The following TMEM132C variants were observed in gnomAD, a reference collection of about 807,000 sequenced individuals.
The protein encoded by TMEM132C is transmembrane protein 132C.
TMEM132C carries 29 observed loss-of-function variants against 61.4 expected under a neutral mutation model. The observed-to-expected ratio is 0.47, with a 90% CI of 0.35 to 0.64. TMEM132C has a LOEUF of 0.64. Ranked by LOEUF, TMEM132C falls within the 30% of genes least tolerant of loss-of-function variation. The pLI is 0.00. For synonymous variants in TMEM132C, 656 were observed against 633.1 expected (o/e 1.04, Z -0.54); for missense variants, 1,408 against 1,476.9 (o/e 0.95, Z 0.76).
intron 2 of TMEM132C, among the ~76,000 whole-genome samples, chr12:128,509,781 G>A (rs1872512458): frequency 2.0e-5 from 3 of 152,248 alleles, no homozygotes; most frequent in South Asian, 4.2e-4. Flanking sequence ...TGGTGGACAG[G>A]GGAGGATTTG....
At chr12:128,667,570 G>A (rs1022651841) in intron 4 of TMEM132C, among the ~76,000 whole-genome samples, 3 of 152,120 alleles carry the variant, frequency 2.0e-5, no homozygotes, top group African/African-American at 4.8e-5. Context: ...TTTTAGCTGC[G>A]CCCTTGTTTA....
At position 128,340,226 on chromosome 12, in the gene TMEM132C, A is replaced by G. The variant is rs148273943; in HGVS notation, c.85+72739A>G. ...CAATTTGGAGACCTTGAAAATGAGT[A>G]GTGTTCACATTGAAAATGTTTTTTT... On this transcript the variant is annotated intron_variant, in intron 1 of 8. Coordinates refer to ENST00000435159, the MANE Select transcript of TMEM132C (RefSeq NM_001136103.3). Among the ~76,000 whole-genome samples, 338 of 152,288 alleles carry G rather than the reference A, an allele frequency of 2.2e-3. 1 individual carries two copies. Among genetic ancestry groups the G allele is most frequent in the Non-Finnish European group, 3.6e-3 (243 of 68,020 alleles).
At chr12:128,452,433 A>G (rs1159007612) in intron 2 of TMEM132C, among the ~76,000 whole-genome samples, 2 of 142,238 alleles carry the variant, frequency 1.4e-5, no homozygotes, top group Non-Finnish European at 3.1e-5. Flanking sequence ...ACTTAAGGCA[A>G]TGTGGGCTGG....
At position 128,286,886 on chromosome 12, in the gene TMEM132C, G is replaced by A. The variant is rs74242460; in HGVS notation, c.85+19399G>A. 2.8e-3 allele frequency among the ~76,000 whole-genome samples: 426 copies of A among 152,242 alleles called. 7 individuals are homozygous for A. In the East Asian group the frequency reaches 0.049, roughly 18 times the overall value. ...TTATTGTCCATTGAACAGGATCCTG[G>A]AAAACTTGAGAGAGAGGGGTAGAAA... On this transcript the variant is annotated intron_variant, in intron 1 of 8. Coordinates refer to ENST00000435159, the MANE Select transcript of TMEM132C (RefSeq NM_001136103.3).
At chr12:128,315,323 A>G (rs1872116677) in intron 1 of TMEM132C, among the ~76,000 whole-genome samples, 1 of 152,158 alleles carries the variant, frequency 6.6e-6, no homozygotes, top group Non-Finnish European at 1.5e-5. Context: ...CCTTCCAGGT[A>G]TTGCTAAATG....
intron 2 of TMEM132C, among the ~76,000 whole-genome samples, chr12:128,511,926 G>A (rs1367852937): frequency 6.6e-6 from 1 of 152,078 alleles, no homozygotes; most frequent in East Asian, 1.9e-4. Flanking sequence ...TGTCCTTTGG[G>A]TCACTGTCCC....
chr12:128,455,145 T>A (rs1870299230), intron 2 of TMEM132C, among the ~76,000 whole-genome samples: 1 of 152,246 alleles, frequency 6.6e-6, no homozygotes, highest in Non-Finnish European at 1.5e-5. Flanking sequence ...AAGAAAAATC[T>A]GAATTTTTGG....
intron 2 of TMEM132C, among the ~76,000 whole-genome samples, chr12:128,532,267 T>C (rs1013904687): frequency 2.4e-4 from 36 of 152,172 alleles, no homozygotes; most frequent in African/African-American, 7.5e-4. Context: ...TGAGGAGCTA[T>C]GTATGACTAT....
chr12:128,406,537 C>T (rs1261120729), intron 1 of TMEM132C, among the ~76,000 whole-genome samples: 1 of 152,130 alleles, frequency 6.6e-6, no homozygotes, highest in African/African-American at 2.4e-5. Context: ...GTGTGGAAGT[C>T]AGGGAGGCTT....
intron 3 of TMEM132C, among the ~76,000 whole-genome samples, chr12:128,548,598 T>C (rs1383938397): frequency 6.6e-6 from 1 of 152,192 alleles, no homozygotes; most frequent in East Asian, 1.9e-4. Flanking sequence ...TCCCTTTGAC[T>C]TATAAGGTAA....
intron 2 of TMEM132C, among the ~76,000 whole-genome samples, chr12:128,429,019 G>A (rs542320742): frequency 6.6e-6 from 1 of 152,328 alleles, no homozygotes; most frequent in South Asian, 2.1e-4. Flanking sequence ...GAGTGCTGTG[G>A]ATTGCAGCTG....
chr12:128,581,896 G>A (rs1189782968), intron 3 of TMEM132C, among the ~76,000 whole-genome samples: 1 of 152,220 alleles, frequency 6.6e-6, no homozygotes, highest in Non-Finnish European at 1.5e-5. Context: ...CTGAGGGGGT[G>A]CAGGCTGCCA....
intron 5 of TMEM132C, among the ~76,000 whole-genome samples, chr12:128,670,909 C>T (rs1182104575): frequency 1.3e-5 from 2 of 152,066 alleles, no homozygotes; most frequent in Non-Finnish European, 2.9e-5. Flanking sequence ...ATCTAGATTT[C>T]TGGTTAAAAA....
chr12:128,468,299 G>A (rs778177539), intron 2 of TMEM132C, among the ~76,000 whole-genome samples: 12 of 151,566 alleles, frequency 7.9e-5, no homozygotes, highest in African/African-American at 1.2e-4. Flanking sequence ...GTAAGCTATG[G>A]GGAAGGGACC....
intron 2 of TMEM132C, among the ~76,000 whole-genome samples, chr12:128,483,273 A>G (rs1871371840): frequency 8.3e-6 from 1 of 119,832 alleles, no homozygotes; most frequent in Non-Finnish European, 1.7e-5. Flanking sequence ...GTCTCAAAAC[A>G]AGAAAGAGAG....
At chr12:128,563,958 G>A (rs1874610124) in intron 3 of TMEM132C, among the ~76,000 whole-genome samples, 1 of 152,154 alleles carries the variant, frequency 6.6e-6, no homozygotes. Flanking sequence ...CATGCTTAGT[G>A]TTCCAATAAT....
At chr12:128,344,282 A>G (rs561709390) in intron 1 of TMEM132C, among the ~76,000 whole-genome samples, 4 of 152,100 alleles carry the variant, frequency 2.6e-5, no homozygotes, top group African/African-American at 9.6e-5. Context: ...CTCAGCCTCC[A>G]GAGTAGCTGG....
At chr12:128,682,342 A>G (rs1954642414) in intron 5 of TMEM132C, among the ~76,000 whole-genome samples, 2 of 151,970 alleles carry the variant, frequency 1.3e-5, no homozygotes, top group African/African-American at 2.4e-5. Flanking sequence ...CCTCCTCTCC[A>G]TTTCTAATGT....
chr12:128,424,163 G>A (rs1400372309), intron 2 of TMEM132C, among the ~76,000 whole-genome samples: 1 of 151,924 alleles, frequency 6.6e-6, no homozygotes, highest in Non-Finnish European at 1.5e-5. Flanking sequence ...GAGGGTGAGA[G>A]GTGGGATTCA....
Sources: allele counts gnomAD v4.1 joint callset (sites outside exome capture counted in the v4.1 genomes callset), GRCh38; gene constraint gnomAD v4.1.1; transcripts MANE v1.5; gene names NCBI Gene and HGNC (gene_info 2026-07-23, HGNC 2026-07-21).